Variants in NCAM1 observed in about 807,000 individuals in gnomAD.
NCAM1 encodes neural cell adhesion molecule 1.
In NCAM1, 14 loss-of-function variants were observed where a neutral mutation model predicts 109.8. The ratio of observed to expected loss-of-function variants is 0.13; its 90% CI spans 0.08 to 0.20. NCAM1 has a LOEUF of 0.20. NCAM1 is among the 10% of genes least tolerant of loss of function. NCAM1 has a pLI of 1.00. For synonymous variants in NCAM1, 418 were observed against 442.9 expected (o/e 0.94, Z 0.70); for missense variants, 774 against 1,109.9 (o/e 0.70, Z 4.30).
chr11:113,263,517 G>A, intron 17 of NCAM1: 1 of 985,762 alleles, frequency 1.0e-6, no homozygotes, highest in Non-Finnish European at 1.2e-6. Context: ...TGGAAAAAAA[G>A]TTGAATTTGT....
intron 1 of NCAM1, among the ~76,000 whole-genome samples, chr11:113,193,589 G>A (rs1943756670): frequency 6.6e-6 from 1 of 152,090 alleles, no homozygotes; most frequent in South Asian, 2.1e-4. Flanking sequence ...GGAGGCAGAG[G>A]TTGCAGTGAA....
At chr11:113,254,302 T>A (rs1475637377) in intron 15 of NCAM1, among the ~76,000 whole-genome samples, 1 of 152,256 alleles carries the variant, frequency 6.6e-6, no homozygotes, top group Non-Finnish European at 1.5e-5. Context: ...ATTCCTGTTT[T>A]TATTTGTCCT....
intron 1 of NCAM1, among the ~76,000 whole-genome samples, chr11:113,029,694 A>G (rs1952657233): frequency 6.6e-6 from 1 of 152,238 alleles, no homozygotes; most frequent in South Asian, 2.1e-4. Context: ...TTAAAGACTT[A>G]AAGCATGCTT....
intron 1 of NCAM1, among the ~76,000 whole-genome samples, chr11:113,099,733 G>A (rs1555091165): frequency 6.6e-6 from 1 of 152,114 alleles, no homozygotes; most frequent in East Asian, 1.9e-4. Context: ...CTGTCACCTA[G>A]GCTGGAGTGT....
intron 1 of NCAM1, among the ~76,000 whole-genome samples, chr11:113,055,674 C>G (rs1953672247): frequency 6.6e-6 from 1 of 152,016 alleles, no homozygotes; most frequent in African/African-American, 2.4e-5. Flanking sequence ...TAATCTTCTT[C>G]CCTTGAAGTG....
At chr11:113,047,587 T>C (rs1953314804) in intron 1 of NCAM1, among the ~76,000 whole-genome samples, 1 of 152,164 alleles carries the variant, frequency 6.6e-6, no homozygotes, top group Non-Finnish European at 1.5e-5. Flanking sequence ...TCATGTCTTC[T>C]TGATCTTAAT....
chr11:113,205,260 T>C (rs1555112650), intron 3 of NCAM1, among the ~76,000 whole-genome samples: 1 of 152,192 alleles, frequency 6.6e-6, no homozygotes, highest in East Asian at 1.9e-4. Context: ...TTGGTGAAGA[T>C]ATTCCTTTCA....
chr11:113,008,169 C>T (rs1555073657), intron 1 of NCAM1, among the ~76,000 whole-genome samples: 4 of 152,032 alleles, frequency 2.6e-5, no homozygotes, highest in African/African-American at 9.7e-5. Context: ...CCAGTATGGC[C>T]TCATCTCATG....
intron 1 of NCAM1, among the ~76,000 whole-genome samples, chr11:113,070,684 G>T (rs896550802): frequency 6.6e-6 from 1 of 152,146 alleles, no homozygotes; most frequent in Admixed American, 6.5e-5. Flanking sequence ...ATAGGAATAC[G>T]AATAAATTTG....
At position 113,162,562 on chromosome 11, in the gene NCAM1, T is replaced by C. The variant is rs549516224; in HGVS notation, c.53-39817T>C. 3.9e-5 allele frequency among the ~76,000 whole-genome samples: 6 copies of C among 152,358 alleles called. No individual in the cohort carries two copies. The East Asian group carries it at 9.6e-4, about 25-fold the overall frequency. On this transcript the variant is annotated intron_variant, in intron 1 of 19. Coordinates refer to ENST00000316851, the MANE Select transcript of NCAM1 (RefSeq NM_181351.5). ...AATTACATGGAAAGCCAGCCCATGA[T>C]GTCACTCTTCTAGAACAAATAACAT...
At chr11:113,164,119 T>C (rs1347083250) in intron 1 of NCAM1, among the ~76,000 whole-genome samples, 1 of 152,160 alleles carries the variant, frequency 6.6e-6, no homozygotes, top group Non-Finnish European at 1.5e-5. Flanking sequence ...CATTTAGCGC[T>C]GTACTCTGAA....
intron 1 of NCAM1, among the ~76,000 whole-genome samples, chr11:113,042,018 AGCT>A (rs1953096517): frequency 6.6e-6 from 1 of 152,134 alleles, no homozygotes. Context: ...ATCTTTCAGA[AGCT>A]GAACTTTGCC....
At chr11:113,264,339 T>C (rs936105009) in intron 17 of NCAM1, 9 of 985,336 alleles carry the variant, frequency 9.1e-6, no homozygotes, top group African/African-American at 5.2e-5. Flanking sequence ...AAGCCACCTA[T>C]GTTGGCGCTC....
At chr11:113,103,710 A>C (rs138330337) in intron 1 of NCAM1, among the ~76,000 whole-genome samples, 162 of 152,228 alleles carry the variant, frequency 1.1e-3, no homozygotes, top group African/African-American at 3.7e-3. Flanking sequence ...TTTATCTGTG[A>C]AGGGCTTGAT....
intron 1 of NCAM1, among the ~76,000 whole-genome samples, chr11:113,042,674 G>T (rs1953119529): frequency 6.6e-6 from 1 of 151,988 alleles, no homozygotes; most frequent in South Asian, 2.1e-4. Context: ...CTCCTGTTAG[G>T]GCCATGGTCA....
chr11:113,138,020 G>A (rs983576383), intron 1 of NCAM1, among the ~76,000 whole-genome samples: 3 of 146,394 alleles, frequency 2.0e-5, no homozygotes, highest in African/African-American at 7.9e-5. Flanking sequence ...TTTACCCTAG[G>A]GAAAAAAAAA....
intron 17 of NCAM1, chr11:113,264,681 A>T: frequency 2.0e-6 from 2 of 985,488 alleles, no homozygotes. Flanking sequence ...GGCAGTGTCC[A>T]TCTTTCTGAA....
At position 113,255,959 on chromosome 11, in the gene NCAM1, C is replaced by T. The variant is rs782154158; in HGVS notation, c.1911C>T (p.Asp637=). 11 of 1,606,244 alleles carry T rather than the reference C, an allele frequency of 6.8e-6. No individual in the cohort carries two copies. The highest frequency in any genetic ancestry group is 2.7e-5 in the African/African-American group (2 of 74,686). ...SIKVNLIKQD[D]GGSPIRHYLV... is the part of the protein sequence containing the mutation. Reference sequence around the variant, plus strand: ...AAGTGAACCTGATCAAGCAGGATGACGGCGGCTCCCCCATCAGACACTATC... The same window carrying T: ...AAGTGAACCTGATCAAGCAGGATGATGGCGGCTCCCCCATCAGACACTATC... The change falls in exon 16 of 20, where the codon GAC becomes GAT. Residue 637 remains aspartate, a synonymous_variant. Transcript: ENST00000316851.
chr11:113,263,953 G>A (rs1295656966), intron 17 of NCAM1: 19 of 985,328 alleles, frequency 1.9e-5, no homozygotes, highest in Middle Eastern at 5.2e-4. Flanking sequence ...GTATTGGTGC[G>A]TTGGTTCAGT....
Sources: gnomAD v4.1 joint callset for allele counts (sites outside exome capture counted in the v4.1 genomes callset) on GRCh38, gnomAD v4.1.1 for gene constraint, MANE v1.5 for transcripts, NCBI Gene and HGNC (gene_info 2026-07-23, HGNC 2026-07-21) for gene names.